TMEM132C: variants seen among roughly 807,000 people sequenced by gnomAD.
The protein encoded by TMEM132C is protein phosphatase 1, regulatory subunit 152.
A neutral mutation model predicts 61.4 loss-of-function variants in TMEM132C; 29 were observed. The ratio of observed to expected loss-of-function variants is 0.47; its 90% CI spans 0.35 to 0.64. The LOEUF (loss-of-function observed/expected upper bound fraction) is 0.64, where lower values mean the gene tolerates loss of function less well. TMEM132C is among the 30% of genes least tolerant of loss of function. The probability of loss-of-function intolerance (pLI) is 0.00; values close to 1 mark genes in which losing one functional copy is unlikely to be tolerated. For missense variants in TMEM132C, 1,408 were observed against 1,476.9 expected (o/e 0.95, Z 0.76); for synonymous variants, 656 against 633.1 (o/e 1.04, Z -0.54).
chr12:128,622,170 C>T (rs1953968523), intron 4 of TMEM132C, among the ~76,000 whole-genome samples: 1 of 150,668 alleles, frequency 6.6e-6, no homozygotes, highest in African/African-American at 2.4e-5. Context: ...ATGGTGAAAC[C>T]CCATCTCTAC....
intron 1 of TMEM132C, among the ~76,000 whole-genome samples, chr12:128,308,611 G>T (rs1490048000): frequency 2.6e-5 from 4 of 152,166 alleles, no homozygotes; most frequent in African/African-American, 7.2e-5. Flanking sequence ...CTGTTCAGGA[G>T]CAATTCCTTA....
intron 1 of TMEM132C, among the ~76,000 whole-genome samples, chr12:128,321,138 A>AAAAAAT (rs369619722): frequency 5.5e-4 from 79 of 143,762 alleles, no homozygotes; most frequent in South Asian, 2.0e-3. Flanking sequence ...CATTTTTGAA[A>AAAAAAT]AATAATAATA....
chr12:128,437,984 G>A (rs989166355), intron 2 of TMEM132C: 6 of 152,178 alleles, frequency 3.9e-5, no homozygotes, highest in Admixed American at 6.5e-5. Flanking sequence ...TGAATCTTGG[G>A]AGCTTTGGTC....
At chr12:128,336,594 A>G (rs539965761) in intron 1 of TMEM132C, among the ~76,000 whole-genome samples, 95 of 152,336 alleles carry the variant, frequency 6.2e-4, no homozygotes, top group African/African-American at 2.2e-3. Flanking sequence ...TCATTTATCC[A>G]AAGAGTCTAC....
Position 128,551,211 on chromosome 12 carries a change from C to G in TMEM132C, c.1121+7108C>G, listed in dbSNP as rs111939899. On this transcript the variant is annotated intron_variant, in intron 3 of 8. Coordinates refer to ENST00000435159, the MANE Select transcript of TMEM132C (RefSeq NM_001136103.3). ...CTGAGACTCTCAGAAACATAAGAGC[C>G]CCCCCCCTCCCGCTTCCTCCCCTGG... 2.6e-3 allele frequency among the ~76,000 whole-genome samples: 390 copies of G among 149,262 alleles called. 1 individual carries two copies. Among genetic ancestry groups the G allele is most frequent in the Non-Finnish European group, 4.3e-3 (294 of 67,772 alleles).
rs1565988968 is a variant in TMEM132C, at chr12:128,605,126, G to GATAC, written c.1122-11023_1122-11022insCATA. 1.6e-4 allele frequency among the ~76,000 whole-genome samples: 24 copies of GATAC among 151,450 alleles called. 1 individual carries two copies. The highest frequency in any genetic ancestry group is 5.6e-4 in the African/African-American group (23 of 40,836). ...TAGACAGATAAATGATAGATAGATAGATAGATAGATACATAGATACATAGA... is the reference window on the plus strand; with the variant it reads ...TAGACAGATAAATGATAGATAGATAGATACATAGATAGATACATAGATACATAGA... On this transcript the variant is annotated intron_variant, in intron 3 of 8. Coordinates refer to ENST00000435159, the MANE Select transcript of TMEM132C (RefSeq NM_001136103.3).
At chr12:128,666,080 C>CACAG (rs1954468703) in intron 4 of TMEM132C, among the ~76,000 whole-genome samples, 1 of 38,848 alleles carries the variant, frequency 2.6e-5, no homozygotes, top group South Asian at 7.8e-4. Flanking sequence ...AACACACAGG[C>CACAG]ACACACACAC....
intron 4 of TMEM132C, among the ~76,000 whole-genome samples, chr12:128,623,636 A>T (rs147232735): frequency 0.11 from 17,172 of 151,756 alleles, 1,097 homozygotes; most frequent in African/African-American, 0.17. Context: ...GTGAAACCCC[A>T]TCTCTACTAA....
chr12:128,449,357 C>T (rs1337283009), intron 2 of TMEM132C, among the ~76,000 whole-genome samples: 1 of 152,102 alleles, frequency 6.6e-6, no homozygotes, highest in African/African-American at 2.4e-5. Context: ...AATTACTTTC[C>T]TGGTCCCCGG....
chr12:128,567,158 C>A (rs539451617), intron 3 of TMEM132C, among the ~76,000 whole-genome samples: 1 of 152,174 alleles, frequency 6.6e-6, no homozygotes, highest in South Asian at 2.1e-4. Flanking sequence ...TCTTCTAAGA[C>A]CCCATCCAAA....
intron 2 of TMEM132C, among the ~76,000 whole-genome samples, chr12:128,482,685 C>T (rs2055840186): frequency 6.6e-6 from 1 of 152,080 alleles, no homozygotes; most frequent in African/African-American, 2.4e-5. Context: ...TCGACTTCTT[C>T]CTGGTTTAGT....
intron 1 of TMEM132C, among the ~76,000 whole-genome samples, chr12:128,282,588 G>A (rs938246977): frequency 2.6e-5 from 4 of 152,232 alleles, no homozygotes; most frequent in African/African-American, 4.8e-5. Context: ...CTCCCTGGAC[G>A]TGTTGGGATT....
chr12:128,297,399 G>C (rs562023828), intron 1 of TMEM132C, among the ~76,000 whole-genome samples: 1 of 152,264 alleles, frequency 6.6e-6, no homozygotes, highest in Non-Finnish European at 1.5e-5. Flanking sequence ...AGTCATAAAT[G>C]GATTATTGGA....
intron 2 of TMEM132C, among the ~76,000 whole-genome samples, chr12:128,523,916 G>T (rs1872996256): frequency 6.6e-6 from 1 of 151,930 alleles, no homozygotes. Flanking sequence ...AGGAGGCTGA[G>T]GTGGGAGGAT....
intron 2 of TMEM132C, among the ~76,000 whole-genome samples, chr12:128,531,081 A>C (rs1310936953): frequency 6.7e-6 from 1 of 150,136 alleles, no homozygotes; most frequent in Admixed American, 6.7e-5. Context: ...AACTTACAGA[A>C]GCAAAACATT....
intron 2 of TMEM132C, among the ~76,000 whole-genome samples, chr12:128,499,379 C>G (rs1872078865): frequency 6.6e-6 from 1 of 152,078 alleles, no homozygotes; most frequent in African/African-American, 2.4e-5. Flanking sequence ...TATCCATCAC[C>G]TCAAGCATTT....
At chr12:128,394,744 A>C (rs1388282928) in intron 1 of TMEM132C, among the ~76,000 whole-genome samples, 3 of 152,148 alleles carry the variant, frequency 2.0e-5, no homozygotes, top group Non-Finnish European at 2.9e-5. Flanking sequence ...TGTGTTGTGC[A>C]CCTGTCGGAA....
intron 4 of TMEM132C, among the ~76,000 whole-genome samples, chr12:128,631,850 C>T (rs951197136): frequency 1.3e-5 from 2 of 152,188 alleles, no homozygotes; most frequent in Admixed American, 6.5e-5. Context: ...ACCAAGAGTT[C>T]CAGCAAAAAT....
intron 2 of TMEM132C, among the ~76,000 whole-genome samples, chr12:128,488,970 C>CA (rs1410624487): frequency 2.0e-5 from 3 of 151,698 alleles, no homozygotes; most frequent in African/African-American, 2.4e-5. Context: ...TTCTTCATGC[C>CA]AAGAAAAAAG....
Sources: allele counts gnomAD v4.1 joint callset (sites outside exome capture counted in the v4.1 genomes callset), GRCh38; gene constraint gnomAD v4.1.1; transcripts MANE v1.5; gene names NCBI Gene and HGNC (gene_info 2026-07-23, HGNC 2026-07-21).